ABTB2: variants seen among roughly 807,000 people sequenced by gnomAD.
The protein encoded by ABTB2 is ankyrin repeat and BTB domain containing 2, also known as ankyrin repeat and BTB/POZ domain-containing protein 2.
A neutral mutation model predicts 104.1 loss-of-function variants in ABTB2; 56 were observed. That is an observed-to-expected ratio of 0.54 (90% CI 0.43 to 0.67). The LOEUF is 0.67. Among genes scored for constraint, ABTB2 ranks in the 30% least tolerant of loss-of-function variants. The pLI is 0.00. For missense variants in ABTB2, 1,279 were observed against 1,407.7 expected (o/e 0.91, Z 1.46); for synonymous variants, 606 against 608.2 (o/e 1.00, Z 0.05).
At chr11:34,206,114 CTT>C (rs1207907559) in intron 1 of ABTB2, among the ~76,000 whole-genome samples, 5 of 152,186 alleles carry the variant, frequency 3.3e-5, no homozygotes, top group African/African-American at 4.8e-5. Context: ...AATCCCAGCA[CTT>C]TGGGAGGCTG....
intron 14 of ABTB2, among the ~76,000 whole-genome samples, chr11:34,155,574 G>A (rs190143643): frequency 6.6e-6 from 1 of 152,272 alleles, no homozygotes; most frequent in Non-Finnish European, 1.5e-5. Flanking sequence ...TGGCAAGTGT[G>A]TAAGTAAACA....
rs370512516 is a variant in ABTB2, at chr11:34,232,449, C to T, written c.884-27759G>A. Among the ~76,000 whole-genome samples the T allele has an allele frequency of 2.6e-5, 3 of 115,400 alleles. 1 individual carries two copies. The allele number at this position is 115,400 out of a possible 152,430, so 75.7% of individuals were successfully genotyped here. A position where few individuals can be genotyped will look rare whatever the true frequency, so the allele number is the denominator to read the frequency against. The stretch of plus-strand genomic sequence containing the variant: ...TGGGCAATAGAGGGAGACTCTGTCT[C>T]AAAAAAAAAAAAAAAAATTGTTCTT... On this transcript the variant is annotated intron_variant, in intron 1 of 16. Transcript: ENST00000435224.
Position 34,175,980 on chromosome 11 carries a change from A to AC in ABTB2, c.1245-2674dup, listed in dbSNP as rs991195257. ...AAGCCTTCCCAGATTCTCTCTCCCC[A>AC]CCCCCCCAAAAAAAAGGGGGGCTGG... On this transcript the variant is annotated intron_variant, in intron 3 of 16. Transcript: ENST00000435224. Among the ~76,000 whole-genome samples, 50 of 148,380 alleles carry AC rather than the reference A, an allele frequency of 3.4e-4. No homozygotes were observed. The South Asian group carries it at 3.7e-3, about 11-fold the overall frequency.
At chr11:34,153,867 A>T (rs548170228) in intron 16 of ABTB2, among the ~76,000 whole-genome samples, 2 of 152,298 alleles carry the variant, frequency 1.3e-5, no homozygotes, top group South Asian at 2.1e-4. Flanking sequence ...CTGAGTTTTG[A>T]GTCTGAGCAA....
In ABTB2 at chr11:34,154,280, G is replaced by C; in HGVS notation, c.2865C>G (p.Thr955=). The change falls in exon 16 of 17, where the codon ACC becomes ACG. Residue 955 remains threonine, a synonymous_variant. Coordinates refer to ENST00000435224, the MANE Select transcript of ABTB2 (RefSeq NM_145804.3). This position sits in a 1 kb window ranked among gnomAD's most constrained non-coding sequence, Gnocchi z 4.9. ...TGGCCCTCACCTTGGCATATTTGTAGGTGTTCACGGCACTCTCCATGCTGA... is the reference window on the plus strand; with the variant it reads ...TGGCCCTCACCTTGGCATATTTGTACGTGTTCACGGCACTCTCCATGCTGA... ...QTLSMESAVN[T]YKYAKIHNAP... is the part of the protein sequence containing the mutation. 6.2e-7 allele frequency: 1 copy of C among 1,613,840 alleles called. No homozygotes were observed. The highest frequency in any genetic ancestry group is 8.5e-7 in the Non-Finnish European group (1 of 1,179,812).
At chr11:34,325,446 G>A (rs909943822) in intron 1 of ABTB2, among the ~76,000 whole-genome samples, 1 of 152,164 alleles carries the variant, frequency 6.6e-6, no homozygotes, top group African/African-American at 2.4e-5. Flanking sequence ...TAAGCTCTCC[G>A]TTCCCTAGTT....
chr11:34,154,465 G>T lies in ABTB2; in HGVS notation c.2767-87C>A. ...CGAACAGAAAGCTCCCGAGTGCCGT[G>T]TGCCCTGCTGCCTCCACCCTCAGGC... On this transcript the variant is annotated intron_variant, in intron 15 of 16. Transcript: ENST00000435224. This position sits in a 1 kb window ranked among gnomAD's most constrained non-coding sequence, Gnocchi z 4.9. The T allele has an allele frequency of 9.9e-7, 1 of 1,007,574 alleles. No homozygotes were observed. The highest frequency in any genetic ancestry group is 1.5e-6 in the Non-Finnish European group (1 of 664,986). 62.4% of individuals were successfully genotyped at this position (1,007,574 alleles called of 1,614,324 possible).
chr11:34,340,734 A>T (rs1855252908), intron 1 of ABTB2, among the ~76,000 whole-genome samples: 1 of 152,248 alleles, frequency 6.6e-6, no homozygotes, highest in South Asian at 2.1e-4. Context: ...TCCTGGCAGT[A>T]GCTGTCCAGG....
chr11:34,185,354 G>A (rs973249490), intron 3 of ABTB2, among the ~76,000 whole-genome samples: 2 of 152,218 alleles, frequency 1.3e-5, no homozygotes, highest in African/African-American at 4.8e-5. Context: ...GACAGTGCAA[G>A]CTCAGAGGAC....
intron 1 of ABTB2, among the ~76,000 whole-genome samples, chr11:34,212,919 CA>C (rs1396824917): frequency 6.6e-6 from 1 of 152,136 alleles, no homozygotes. Context: ...CCACAGAACC[CA>C]GGGGGAGATA....
chr11:34,243,287 A>T (rs1472744594), intron 1 of ABTB2, among the ~76,000 whole-genome samples: 1 of 152,124 alleles, frequency 6.6e-6, no homozygotes, highest in Non-Finnish European at 1.5e-5. Context: ...ATATATATAT[A>T]TTTTAGATGG....
intron 1 of ABTB2, among the ~76,000 whole-genome samples, chr11:34,319,666 T>C (rs1854977903): frequency 6.6e-6 from 1 of 152,178 alleles, no homozygotes; most frequent in Admixed American, 6.5e-5. Context: ...AGGACTATTT[T>C]ATTTTATATT....
intron 1 of ABTB2, among the ~76,000 whole-genome samples, chr11:34,214,692 A>AC (rs1853528742): frequency 6.6e-6 from 1 of 152,124 alleles, no homozygotes; most frequent in East Asian, 1.9e-4. Flanking sequence ...GGTGTGGGCC[A>AC]CTGCACCCAG....
At chr11:34,174,693 C>T (rs1006892750) in intron 3 of ABTB2, among the ~76,000 whole-genome samples, 16 of 152,256 alleles carry the variant, frequency 1.1e-4, no homozygotes, top group Non-Finnish European at 2.2e-4. Flanking sequence ...CAGACCTCCC[C>T]GCCACCGAGG....
intron 1 of ABTB2, among the ~76,000 whole-genome samples, chr11:34,247,877 G>A (rs1347439037): frequency 1.3e-5 from 2 of 152,078 alleles, no homozygotes; most frequent in African/African-American, 2.4e-5. Flanking sequence ...TGAGGAAATC[G>A]GTTCAGAGGC....
At chr11:34,331,124 C>CTT (rs1489103863) in intron 1 of ABTB2, among the ~76,000 whole-genome samples, 2 of 152,152 alleles carry the variant, frequency 1.3e-5, no homozygotes, top group African/African-American at 2.4e-5. Flanking sequence ...AAAGAGACAG[C>CTT]TGTGGTAAAA....
chr11:34,281,062 C>T (rs1457600132), intron 1 of ABTB2, among the ~76,000 whole-genome samples: 1 of 152,156 alleles, frequency 6.6e-6, no homozygotes, highest in African/African-American at 2.4e-5. Context: ...CCAGAACATA[C>T]TGGGCCAAGC....
rs1438940678 is a variant in ABTB2, at chr11:34,252,435, G to A, written c.884-47745C>T. Among the ~76,000 whole-genome samples, 1 of 152,116 alleles carries A rather than the reference G, an allele frequency of 6.6e-6. No individual in the cohort carries two copies. Among genetic ancestry groups the A allele is most frequent in the African/African-American group, 2.4e-5 (1 of 41,414 alleles). ...CTTAACCAGCCCTCCTCAGTCACAGGGGGAGAGTGCCATCTGGACATCATG... is the reference window on the plus strand; with the variant it reads ...CTTAACCAGCCCTCCTCAGTCACAGAGGGAGAGTGCCATCTGGACATCATG... On this transcript the variant is annotated intron_variant, in intron 1 of 16. Transcript: ENST00000435224. This position sits in a 1 kb window ranked among gnomAD's most constrained non-coding sequence, Gnocchi z 5.5.
intron 1 of ABTB2, among the ~76,000 whole-genome samples, chr11:34,289,616 C>T (rs1048278588): frequency 6.6e-6 from 1 of 152,156 alleles, no homozygotes; most frequent in East Asian, 1.9e-4. Context: ...CTCATGAGCC[C>T]ACAAACCCAC....
Sources: gnomAD v4.1 joint callset for allele counts (sites outside exome capture counted in the v4.1 genomes callset) on GRCh38, gnomAD v4.1.1 for gene constraint, Gnocchi (gnomAD v3.1) non-coding constraint, MANE v1.5 for transcripts, NCBI Gene and HGNC (gene_info 2026-07-23, HGNC 2026-07-21) for gene names.